Variants in NKX2-2 observed in about 807,000 individuals in gnomAD.
NKX2-2 encodes homeobox protein Nkx-2.2.
A neutral mutation model predicts 24.6 loss-of-function variants in NKX2-2; 8 were observed. The ratio of observed to expected loss-of-function variants is 0.32; its 90% CI spans 0.19 to 0.59. The LOEUF (loss-of-function observed/expected upper bound fraction) is 0.59. Among genes scored for constraint, NKX2-2 ranks in the 20% least tolerant of loss-of-function variants. The pLI, the probability that NKX2-2 is intolerant of heterozygous loss-of-function variation, is 0.86. For missense variants in NKX2-2, 381 were observed against 373.9 expected, an observed-to-expected ratio of 1.02 and a Z score of -0.16; for synonymous variants, 217 against 173.3, an observed-to-expected ratio of 1.25 and a Z score of -1.98.
rs1323754412 is a variant in NKX2-2 at position 21,512,056 on chromosome 20, G to A, written c.689C>T (p.Ala230Val). 1 of 1,613,810 alleles carries A rather than the reference G, an allele frequency of 6.2e-7. No homozygotes were observed. The highest frequency in any genetic ancestry group is 1.1e-5 in the South Asian group (1 of 91,088). The stretch of plus-strand genomic sequence containing the variant: ...GCTGTAGGCAGAAAAGGGAATGCCC[G>A]CCTGGAAGGTGGCGGCTGCCAGGTC... ...AQDLAAATFQ[A>V]GIPFSAYSAQ... The change falls in exon 2 of 2, where the codon GCG (alanine) becomes GTG (valine). Residue 230 changes from alanine to valine, a missense_variant. Coordinates refer to ENST00000377142, the MANE Select transcript of NKX2-2 (RefSeq NM_002509.4).
the NKX2-2 span, among the ~76,000 whole-genome samples, chr20:21,519,898 C>A: frequency 1.3e-5 from 2 of 152,196 alleles, no homozygotes; most frequent in Non-Finnish European, 2.9e-5. Context: ...CCCGGCAGAT[C>A]TCTGGCAGGA....
rs1187316055 is a variant in NKX2-2 at position 21,513,901 on chromosome 20, T to C, written c.-232A>G. The C allele has an allele frequency of 6.1e-6, 2 of 329,842 alleles. No homozygotes were observed. Among genetic ancestry groups the C allele is most frequent in the South Asian group, 1.1e-4 (1 of 8,864 alleles). The allele number at this position is 329,842 out of a possible 1,614,324, so 20.4% of individuals were successfully genotyped here. ...ACCCAGTGCCTCTCTCTGTCTTCTTTGAAAGCACGCGGAAATGGACGCAGG... is the reference window on the plus strand; with the variant it reads ...ACCCAGTGCCTCTCTCTGTCTTCTTCGAAAGCACGCGGAAATGGACGCAGG... On this transcript the variant is annotated 5_prime_UTR_variant, in exon 1 of 2. Coordinates refer to ENST00000377142, the MANE Select transcript of NKX2-2 (RefSeq NM_002509.4). The surrounding 1 kb of genome is among the most constrained non-coding windows in gnomAD (Gnocchi z 4.6).
At chr20:21,515,757 CA>C, upstream of NKX2-2, among the ~76,000 whole-genome samples, 1 of 152,234 alleles carries the variant, frequency 6.6e-6, no homozygotes. Context: ...CCGCGCGGGC[CA>C]AGCTGAGCGC....
chr20:21,511,845 A>G lies in NKX2-2; in HGVS notation c.*78T>C. ...TATAATAATAATAATAACCACCATAAGGACCGAGGCCTCCTCGCCGCCACC... is the reference window on the plus strand; with the variant it reads ...TATAATAATAATAATAACCACCATAGGGACCGAGGCCTCCTCGCCGCCACC... On this transcript the variant is annotated 3_prime_UTR_variant, in exon 2 of 2. Coordinates refer to ENST00000377142, the MANE Select transcript of NKX2-2 (RefSeq NM_002509.4). 3 of 1,060,434 alleles carry G rather than the reference A, an allele frequency of 2.8e-6. No homozygotes were observed. The South Asian group carries it at 4.7e-5, about 16-fold the overall frequency. The allele number at this position is 1,060,434 out of a possible 1,614,324, so 65.7% of individuals were successfully genotyped here. A position where few individuals can be genotyped will look rare whatever the true frequency, so the allele number is the denominator to read the frequency against.
the NKX2-2 span, among the ~76,000 whole-genome samples, chr20:21,519,485 G>A: frequency 3.9e-5 from 6 of 152,194 alleles, no homozygotes; most frequent in Non-Finnish European, 8.8e-5. Flanking sequence ...CTCAGAGCGT[G>A]GCATGCACTT....
In NKX2-2 at chr20:21,512,274, C is replaced by G; in HGVS notation, c.471G>C (p.Glu157Asp). ...GGATGAGGCTGGCCAGGTGTTCGCG[C>G]TCGGGCGCCGACAGGTACCGCTGCT... ...FRQQRYLSAP[E>D]REHLASLIRL... The change falls in exon 2 of 2, where the codon GAG (glutamate) becomes GAC (aspartate). Residue 157 changes from glutamate to aspartate, a missense_variant. Transcript: ENST00000377142. The G allele has an allele frequency of 6.2e-7, 1 of 1,613,748 alleles. No individual in the cohort carries two copies. The highest frequency in any genetic ancestry group is 8.5e-7 in the Non-Finnish European group (1 of 1,179,938).
chr20:21,520,793 A>G, the NKX2-2 span, among the ~76,000 whole-genome samples: 1 of 152,184 alleles, frequency 6.6e-6, no homozygotes, highest in Non-Finnish European at 1.5e-5. Context: ...ATATGTTACA[A>G]TGAGATTACG....
Position 21,512,182 on chromosome 20 carries a change from G to T in NKX2-2, c.563C>A (p.Ala188Asp). 1 of 1,613,950 alleles carries T rather than the reference G, an allele frequency of 6.2e-7. No homozygotes were observed. The highest frequency in any genetic ancestry group is 8.5e-7 in the Non-Finnish European group (1 of 1,179,944). The change falls in exon 2 of 2, where the codon GCC becomes GAC. Residue 188 changes from alanine to aspartate, a missense_variant. Coordinates refer to ENST00000377142, the MANE Select transcript of NKX2-2 (RefSeq NM_002509.4). ...GGGCGTCACCTCCATACCTTTCTCG[G>T]CCCGGGCGCGCTTCATCTTGTAGCG... Reference protein sequence around the residue: ...NHRYKMKRARAEKGMEVTPLP... With the variant: ...NHRYKMKRARDEKGMEVTPLP...
In NKX2-2 at chr20:21,513,675, G is replaced by A. The variant is rs756610770; in HGVS notation, c.-6C>T. The A allele has an allele frequency of 6.6e-7, 1 of 1,512,946 alleles. No homozygotes were observed. Among genetic ancestry groups the A allele is most frequent in the South Asian group, 1.3e-5 (1 of 78,040 alleles). 93.7% of individuals were successfully genotyped at this position (1,512,946 alleles called of 1,614,324 possible). ...TTTGTGTTGGTCAGCGACATGGTTC[G>A]AGACCCCAAAATTTATGTCGCAAAG... is the stretch of plus-strand genomic sequence containing the variant. On this transcript the variant is annotated 5_prime_UTR_variant, in exon 1 of 2. Coordinates refer to ENST00000377142, the MANE Select transcript of NKX2-2 (RefSeq NM_002509.4). The surrounding 1 kb of genome is among the most constrained non-coding windows in gnomAD (Gnocchi z 4.6).
chr20:21,512,250 G>T lies in NKX2-2; in HGVS notation c.495C>A (p.Ile165=). ...APEREHLASL[I]RLTPTQVKIW... ...TCTTGACCTGCGTGGGCGTGAGGCG[G>T]ATGAGGCTGGCCAGGTGTTCGCGCT... Residue 165 remains isoleucine, a synonymous_variant, in exon 2 of 2, where the codon ATC becomes ATA. Coordinates refer to ENST00000377142, the MANE Select transcript of NKX2-2 (RefSeq NM_002509.4). 1 of 1,614,002 alleles carries T rather than the reference G, an allele frequency of 6.2e-7. No individual in the cohort carries two copies. Among genetic ancestry groups the T allele is most frequent in the African/African-American group, 1.3e-5 (1 of 75,066 alleles).
upstream of NKX2-2, among the ~76,000 whole-genome samples, chr20:21,515,590 A>C (rs1980613139): frequency 7.6e-6 from 1 of 130,910 alleles, no homozygotes; most frequent in African/African-American, 3.0e-5. Context: ...TCTAGTTAAA[A>C]CTTTTTTGGG....
upstream of NKX2-2, among the ~76,000 whole-genome samples, chr20:21,517,377 G>A (rs752088654): frequency 3.3e-5 from 5 of 152,176 alleles, no homozygotes; most frequent in Non-Finnish European, 7.3e-5. Flanking sequence ...CTTCGGCCTT[G>A]CCTCCTCCGC....
Position 21,511,700 on chromosome 20 carries a change from T to G in NKX2-2, c.*223A>C. Reference sequence around the variant, plus strand: ...GTAGAGTTCAGCCCTCTCCCAAGGTTCAGAAGGAGAGGCATGGGCAGAGCT... The same window carrying G: ...GTAGAGTTCAGCCCTCTCCCAAGGTGCAGAAGGAGAGGCATGGGCAGAGCT... On this transcript the variant is annotated 3_prime_UTR_variant, in exon 2 of 2. Coordinates refer to ENST00000377142, the MANE Select transcript of NKX2-2 (RefSeq NM_002509.4). 2.3e-6 allele frequency: 1 copy of G among 427,442 alleles called. No homozygotes were observed. Among genetic ancestry groups the G allele is most frequent in the Non-Finnish European group, 4.1e-6 (1 of 244,030 alleles). 26.5% of individuals were successfully genotyped at this position (427,442 alleles called of 1,614,324 possible). A position where few individuals can be genotyped will look rare whatever the true frequency, so the allele number is the denominator to read the frequency against.
At chr20:21,520,215 T>C in the NKX2-2 span, among the ~76,000 whole-genome samples, 2 of 151,960 alleles carry the variant, frequency 1.3e-5, no homozygotes, top group African/African-American at 4.8e-5. Flanking sequence ...ACCCCATTGA[T>C]GCCACGGAGA....
upstream of NKX2-2, among the ~76,000 whole-genome samples, chr20:21,516,103 A>G (rs1980631893): frequency 6.6e-6 from 1 of 152,222 alleles, no homozygotes; most frequent in Non-Finnish European, 1.5e-5. Flanking sequence ...CAGTGGCGAA[A>G]TAATACATGA....
At chr20:21,515,215 T>C (rs1031741549), upstream of NKX2-2, among the ~76,000 whole-genome samples, 1 of 144,338 alleles carries the variant, frequency 6.9e-6, no homozygotes, top group Non-Finnish European at 1.5e-5. Context: ...CCCCTCCCTC[T>C]CCAGCCTCTG....
chr20:21,512,748 G>T (rs548920877), intron 1 of NKX2-2, among the ~76,000 whole-genome samples: 30 of 152,250 alleles, frequency 2.0e-4, no homozygotes, highest in Admixed American at 9.8e-4. Flanking sequence ...TGAGAATTTG[G>T]GGGGGGAAGT....
Position 21,511,866 on chromosome 20 carries a change from C to T in NKX2-2, c.*57G>A. On this transcript the variant is annotated 3_prime_UTR_variant, in exon 2 of 2. Coordinates refer to ENST00000377142, the MANE Select transcript of NKX2-2 (RefSeq NM_002509.4). ...CATAAGGACCGAGGCCTCCTCGCCG[C>T]CACCGCCGCCGGGGTGGGGCCTGGG... The T allele has an allele frequency of 7.0e-7, 1 of 1,426,980 alleles. No homozygotes were observed. The highest frequency in any genetic ancestry group is 2.3e-5 in the East Asian group (1 of 43,480). 88.4% of individuals were successfully genotyped at this position (1,426,980 alleles called of 1,614,324 possible). A position where few individuals can be genotyped will look rare whatever the true frequency, so the allele number is the denominator to read the frequency against.
At chr20:21,515,141 C>A (rs973412470), upstream of NKX2-2, among the ~76,000 whole-genome samples, 2 of 152,104 alleles carry the variant, frequency 1.3e-5, no homozygotes, top group African/African-American at 4.8e-5. Context: ...CCTCTTTCCC[C>A]GGGTGGAGGA....
Sources: allele counts gnomAD v4.1 joint callset (sites outside exome capture counted in the v4.1 genomes callset), GRCh38; gene constraint gnomAD v4.1.1; non-coding constraint Gnocchi (gnomAD v3.1); transcripts MANE v1.5; gene names NCBI Gene and HGNC (gene_info 2026-07-23, HGNC 2026-07-21).